The following EDN3 variants were observed in gnomAD, a reference collection of about 807,000 sequenced individuals.
EDN3 encodes the protein endothelin 3.
Under a neutral mutation model 21.4 loss-of-function variants are expected in EDN3, and 9 were observed. The ratio of observed to expected loss-of-function variants is 0.42; its 90% CI spans 0.25 to 0.73. The LOEUF is 0.73. Among genes scored for constraint, EDN3 ranks in the 30% least tolerant of loss-of-function variants. The probability of loss-of-function intolerance (pLI) is 0.26; values close to 1 mark genes in which losing one functional copy is unlikely to be tolerated. For synonymous variants in EDN3, 133 were observed against 126.2 expected (o/e 1.05, Z -0.36); for missense variants, 327 against 309.4 (o/e 1.06, Z -0.43).
intron 2 of EDN3, 98 bp from the exon 3 acceptor site, chr20:59,320,919 C>T (rs971690088): frequency 3.7e-6 from 5 of 1,340,108 alleles, no homozygotes; most frequent in Non-Finnish European, 5.3e-6. Flanking sequence ...GTTTCTGAGA[C>T]CTTTTCAGCC....
intron 2 of EDN3, among the ~76,000 whole-genome samples, chr20:59,319,840 T>C (rs1990417426): frequency 6.6e-6 from 1 of 152,182 alleles, no homozygotes; most frequent in South Asian, 2.1e-4. Flanking sequence ...TCAGTGGGGT[T>C]CATGGAAACC....
rs1990740795 is a variant in EDN3, at chr20:59,324,605, C to CA, written c.*146_*147insA. On this transcript the variant is annotated 3_prime_UTR_variant, in exon 5 of 5. Coordinates refer to ENST00000337938, the MANE Select transcript of EDN3 (RefSeq NM_207034.3). ...GAGTCCCCACTTAACAATACCCCCC[C>CA]CCCACGGCAAGAATGCCCAAATCCG... 3.6e-6 allele frequency: 4 copies of CA among 1,104,114 alleles called. No individual in the cohort carries two copies. In the African/African-American group the frequency reaches 4.7e-5, roughly 13 times the overall value. The allele number at this position is 1,104,114 out of a possible 1,614,324, so 68.4% of individuals were successfully genotyped here.
rs374488792 is a variant in EDN3 at position 59,324,487 on chromosome 20, C to A, written c.*28C>A. 1 of 1,613,696 alleles carries A rather than the reference C, an allele frequency of 6.2e-7. No individual in the cohort carries two copies. Among genetic ancestry groups the A allele is most frequent in the African/African-American group, 1.3e-5 (1 of 74,860 alleles). On this transcript the variant is annotated 3_prime_UTR_variant, in exon 5 of 5. Coordinates refer to ENST00000337938, the MANE Select transcript of EDN3 (RefSeq NM_207034.3). The stretch of plus-strand genomic sequence containing the variant: ...GGACAGGCCTGCAGCATCCTGGTCT[C>A]GGGAGGCTTCTGTCATTGCTCACAC...
chr20:59,300,974 C>T, intron 1 of EDN3, 110 bp downstream of exon 1: 1 of 1,330,574 alleles, frequency 7.5e-7, no homozygotes, highest in Non-Finnish European at 1.0e-6. Flanking sequence ...CAAACTCTTG[C>T]CTGGGCTCTG....
intron 2 of EDN3, among the ~76,000 whole-genome samples, chr20:59,310,252 T>G (rs1989708959): frequency 6.6e-6 from 1 of 152,172 alleles, no homozygotes; most frequent in South Asian, 2.1e-4. Flanking sequence ...CTGTTTTGCA[T>G]GAGAAAGTGA....
chr20:59,301,850 A>G, intron 2 of EDN3, 128 bp downstream of exon 2: 10 of 1,132,070 alleles, frequency 8.8e-6, no homozygotes, highest in Non-Finnish European at 1.3e-5. Flanking sequence ...CACAGCCTTT[A>G]GCTCTTGCTG....
intron 2 of EDN3, among the ~76,000 whole-genome samples, chr20:59,308,675 C>T (rs538349663): frequency 2.0e-4 from 30 of 152,296 alleles, no homozygotes; most frequent in Admixed American, 5.2e-4. Flanking sequence ...GTTAGCACAG[C>T]GCCTACAATC....
chr20:59,300,750 GCCCTTT>G lies in EDN3; in HGVS notation c.-61_-56del. The stretch of plus-strand genomic sequence containing the variant: ...GAGGCCAGCTGTACCCGGCCCCAGT[GCCCTTT>G]CGCGGCCACAAGCGGCCGTCCTCCT... On this transcript the variant is annotated 5_prime_UTR_variant, in exon 1 of 5. Transcript: ENST00000337938. The G allele has an allele frequency of 6.4e-7, 1 of 1,558,988 alleles. No individual in the cohort carries two copies.
At position 59,321,123 on chromosome 20, in the gene EDN3, C is replaced by A. The variant is rs753482233; in HGVS notation, c.472C>A (p.Arg158Ser). The A allele has an allele frequency of 2.5e-6, 4 of 1,614,116 alleles. No homozygotes were observed. Among genetic ancestry groups the A allele is most frequent in the Non-Finnish European group, 3.4e-6 (4 of 1,180,062 alleles). ...GCAGCTCTCACATCGGCCACACTTGCGCTGCGCTTGTGTGGGGAGATATGA... is the reference window on the plus strand; with the variant it reads ...GCAGCTCTCACATCGGCCACACTTGAGCTGCGCTTGTGTGGGGAGATATGA... ...NLQLSHRPHLRCACVGRYDKA... is the reference protein window; with the variant it reads ...NLQLSHRPHLSCACVGRYDKA... The change falls in exon 3 of 5, where the codon CGC (arginine) becomes AGC (serine). Residue 158 changes from arginine to serine, a missense_variant. Transcript: ENST00000337938.
At chr20:59,308,222 G>C (rs938809450) in intron 2 of EDN3, among the ~76,000 whole-genome samples, 1 of 152,176 alleles carries the variant, frequency 6.6e-6, no homozygotes, top group East Asian at 1.9e-4. Context: ...GTCTAGGCGA[G>C]AGGGCGAGGG....
At chr20:59,313,006 AG>A (rs1275123073) in intron 2 of EDN3, among the ~76,000 whole-genome samples, 1 of 152,170 alleles carries the variant, frequency 6.6e-6, no homozygotes, top group Admixed American at 6.5e-5. Context: ...GGCCTGCAGG[AG>A]TTATTGCCAA....
At chr20:59,323,183 A>G (rs1256396602) in intron 4 of EDN3, among the ~76,000 whole-genome samples, 1 of 152,118 alleles carries the variant, frequency 6.6e-6, no homozygotes, top group Non-Finnish European at 1.5e-5. Context: ...GATCGCTTCT[A>G]GTCTAGTCCA....
chr20:59,310,830 A>AG (rs869190912), intron 2 of EDN3, among the ~76,000 whole-genome samples: 1 of 5,024 alleles, frequency 2.0e-4, no homozygotes, highest in African/African-American at 4.4e-3. Flanking sequence ...TGGGGAGCGC[A>AG]AATTGCTTTG....
At chr20:59,320,906 C>A (rs1475732077) in intron 2 of EDN3, 111 bp from the exon 3 acceptor site, 6 of 1,165,490 alleles carry the variant, frequency 5.1e-6, no homozygotes, top group Non-Finnish European at 7.5e-6. Context: ...GTTGTGAACA[C>A]CAGTTTCTGA....
At chr20:59,323,223 A>G (rs898547666) in intron 4 of EDN3, among the ~76,000 whole-genome samples, 5 of 152,088 alleles carry the variant, frequency 3.3e-5, no homozygotes, top group African/African-American at 1.2e-4. Flanking sequence ...CCATAATAAA[A>G]ATGGAGCGGG....
intron 1 of EDN3, 66 bp downstream of exon 1, chr20:59,300,930 C>T (rs1279372014): frequency 6.4e-7 from 1 of 1,568,358 alleles, no homozygotes; most frequent in Non-Finnish European, 8.7e-7. Context: ...GGGCGGGGGA[C>T]CCGAGGCGCG....
Position 59,321,085 on chromosome 20 carries a change from TTC to T in EDN3, c.435_436del (p.Pro146ArgfsTer20). On this transcript the variant is annotated frameshift_variant, in exon 3 of 5. Coordinates refer to ENST00000337938, the MANE Select transcript of EDN3 (RefSeq NM_207034.3). LOFTEE classifies it high-confidence loss of function. ...CGGGGCAAGAGGTCTGCGGGGCCAC[TTC>T]CAGGGAATCTGCAGCTCTCACATCG... is the stretch of plus-strand genomic sequence containing the variant. The T allele has an allele frequency of 6.2e-7, 1 of 1,614,218 alleles. No homozygotes were observed. The highest frequency in any genetic ancestry group is 8.5e-7 in the Non-Finnish European group (1 of 1,180,030).
At chr20:59,319,478 G>A (rs1314457777) in intron 2 of EDN3, among the ~76,000 whole-genome samples, 10 of 152,116 alleles carry the variant, frequency 6.6e-5, no homozygotes, top group South Asian at 6.2e-4. Context: ...TTGGGAGGCC[G>A]AGGCAGGCGG....
Position 59,301,409 on chromosome 20 carries a change from G to A in EDN3, c.53-1G>A, listed in dbSNP as rs746083251. On this transcript the variant is annotated splice_acceptor_variant, in intron 1 of 4. Coordinates refer to ENST00000337938, the MANE Select transcript of EDN3 (RefSeq NM_207034.3). LOFTEE classifies it high-confidence loss of function. ...GGAGCCCCTCAATCTGCCTTCTGCA[G>A]GATTCGTGCCTTGCTCCCAGTCTGG... The A allele has an allele frequency of 1.2e-6, 2 of 1,609,330 alleles. No homozygotes were observed. The highest frequency in any genetic ancestry group is 1.1e-5 in the South Asian group (1 of 91,030).
Sources: gnomAD v4.1 joint callset for allele counts (sites outside exome capture counted in the v4.1 genomes callset) on GRCh38, gnomAD v4.1.1 for gene constraint, MANE v1.5 for transcripts, NCBI Gene and HGNC (gene_info 2026-07-23, HGNC 2026-07-21) for gene names.